Variants in RGS6 observed in about 807,000 individuals in gnomAD.
RGS6 encodes regulator of G protein signaling 6, also known as regulator of G-protein signaling 6.
In RGS6, 30 loss-of-function variants were observed where a neutral mutation model predicts 78.5. The ratio of observed to expected loss-of-function variants is 0.38; its 90% CI spans 0.29 to 0.52. The LOEUF (loss-of-function observed/expected upper bound fraction) is 0.52, where lower values mean the gene tolerates loss of function less well. Ranked by LOEUF, RGS6 falls within the 20% of genes least tolerant of loss-of-function variation. The pLI, the probability that RGS6 is intolerant of heterozygous loss-of-function variation, is 0.85. For synonymous variants in RGS6, 206 were observed against 206.0 expected (o/e 1.00, Z 0.00); for missense variants, 495 against 609.7 (o/e 0.81, Z 1.98).
rs552053364 is a variant in RGS6 at position 72,197,077 on chromosome 14, T to G, written c.85-155018T>G. Among the ~76,000 whole-genome samples the G allele has an allele frequency of 2.0e-5, 3 of 152,310 alleles. No homozygotes were observed. In the East Asian group the frequency reaches 5.8e-4, roughly 29 times the overall value. The stretch of plus-strand genomic sequence containing the variant: ...TATTTTCTTTTTTCTTTCTTTTTGT[T>G]TCTTTTGAGACGGAGTCTTGCTCTG... On this transcript the variant is annotated intron_variant, in intron 2 of 17. Coordinates refer to ENST00000553525, the MANE Select transcript of RGS6 (RefSeq NM_001204424.2).
chr14:72,290,193 T>C (rs887144154), intron 2 of RGS6, among the ~76,000 whole-genome samples: 1 of 152,214 alleles, frequency 6.6e-6, no homozygotes, highest in Admixed American at 6.5e-5. Context: ...CCCTTAGGAC[T>C]GGACTGATCT....
intron 2 of RGS6, among the ~76,000 whole-genome samples, chr14:72,344,358 T>C (rs2077585254): frequency 6.6e-6 from 1 of 152,216 alleles, no homozygotes; most frequent in African/African-American, 2.4e-5. Context: ...GTTGGGGAAC[T>C]GGCTCCCCAC....
intron 2 of RGS6, among the ~76,000 whole-genome samples, chr14:72,003,871 C>T (rs2083986017): frequency 6.6e-6 from 1 of 152,148 alleles, no homozygotes; most frequent in Non-Finnish European, 1.5e-5. Flanking sequence ...TCATAGGGTT[C>T]AGCTCCCAGG....
chr14:72,195,330 A>G (rs1180069999), intron 2 of RGS6, among the ~76,000 whole-genome samples: 3 of 152,226 alleles, frequency 2.0e-5, no homozygotes, highest in African/African-American at 7.2e-5. Context: ...TCTCTTAGTG[A>G]CAATACCAAG....
At chr14:71,932,253 C>T (rs1217162891), upstream of RGS6, among the ~76,000 whole-genome samples, 13 of 151,972 alleles carry the variant, frequency 8.6e-5, no homozygotes, top group South Asian at 1.9e-3. Context: ...GCGGCGGCGC[C>T]CGCGGGACGC....
chr14:71,987,114 A>T (rs2094747400), intron 2 of RGS6, among the ~76,000 whole-genome samples: 1 of 152,232 alleles, frequency 6.6e-6, no homozygotes, highest in African/African-American at 2.4e-5. Flanking sequence ...GAGGGCCGTT[A>T]TTCTACTTAT....
intron 12 of RGS6, among the ~76,000 whole-genome samples, chr14:72,492,300 T>C (rs2096588721): frequency 6.6e-6 from 1 of 152,192 alleles, no homozygotes; most frequent in South Asian, 2.1e-4. Flanking sequence ...AGAAATGTGA[T>C]TGGACAAAAG....
At chr14:71,925,067 C>T in the RGS6 span, among the ~76,000 whole-genome samples, 1 of 152,194 alleles carries the variant, frequency 6.6e-6, no homozygotes. Flanking sequence ...CACCTCCTTG[C>T]CAACACTTGT....
chr14:71,879,264 A>T, the RGS6 span, among the ~76,000 whole-genome samples: 13 of 152,352 alleles, frequency 8.5e-5, no homozygotes, highest in African/African-American at 2.6e-4. Flanking sequence ...AATTTGCTGT[A>T]TTTAGAAATG....
At chr14:72,495,520 T>A (rs992385796) in intron 13 of RGS6, among the ~76,000 whole-genome samples, 1 of 152,154 alleles carries the variant, frequency 6.6e-6, no homozygotes, top group African/African-American at 2.4e-5. Flanking sequence ...TCCCTAGTTC[T>A]GATTGCTGGA....
At chr14:72,274,170 T>C (rs368979714) in intron 2 of RGS6, among the ~76,000 whole-genome samples, 1 of 152,200 alleles carries the variant, frequency 6.6e-6, no homozygotes, top group Admixed American at 6.5e-5. Context: ...CAGGCAGATC[T>C]ACAGTGACCA....
At chr14:72,275,461 C>T (rs1022726942) in intron 2 of RGS6, among the ~76,000 whole-genome samples, 2 of 152,102 alleles carry the variant, frequency 1.3e-5, no homozygotes, top group African/African-American at 4.8e-5. Context: ...GCTTCATGGG[C>T]CATTGGTTTC....
chr14:72,421,326 T>G (rs2094167968), intron 3 of RGS6: 1 of 151,572 alleles, frequency 6.6e-6, no homozygotes, highest in Admixed American at 6.6e-5. Flanking sequence ...GATTATAGAG[T>G]GAGGGTGGGG....
chr14:72,383,213 T>TATATATATATAA (rs1387301746), intron 3 of RGS6, among the ~76,000 whole-genome samples: 1 of 118,338 alleles, frequency 8.5e-6, no homozygotes, highest in Non-Finnish European at 1.7e-5. Context: ...TATATATATA[T>TATATATATATAA]ACACACAAAC....
chr14:72,352,962 G>A (rs1276692227), intron 3 of RGS6, among the ~76,000 whole-genome samples: 2 of 152,100 alleles, frequency 1.3e-5, no homozygotes, highest in African/African-American at 4.8e-5. Flanking sequence ...CTGCCTATAT[G>A]CTTTTCAAAA....
At chr14:72,173,847 C>T (rs1180002576) in intron 2 of RGS6, among the ~76,000 whole-genome samples, 2 of 152,200 alleles carry the variant, frequency 1.3e-5, no homozygotes, top group Admixed American at 6.5e-5. Flanking sequence ...TTTGTACCCT[C>T]TTGATAATTG....
chr14:72,540,047 A>G lies in RGS6; in HGVS notation c.1375A>G (p.Ser459Gly). 6.3e-7 allele frequency: 1 copy of G among 1,575,906 alleles called. No individual in the cohort carries two copies. Among genetic ancestry groups the G allele is most frequent in the Non-Finnish European group, 8.5e-7 (1 of 1,172,932 alleles). The change falls in exon 17 of 18, where the codon AGT becomes GGT. Residue 459 changes from serine (S) to glycine (G), a missense_variant. Physicochemically the swap from Ser to Gly is moderately conservative, Grantham distance 56 (BLOSUM62 0). Coordinates refer to ENST00000553525, the MANE Select transcript of RGS6 (RefSeq NM_001204424.2). The stretch of plus-strand genomic sequence containing the variant: ...TTTTTTTTTTTTCCTAAAGCCAGAA[A>G]GTGAGCAAGGTCGTAGAACTTCCCT... ...DLLLAKKKPE[S>G]EQGRRTSLEK...
chr14:72,612,089 C>T, the RGS6 span, among the ~76,000 whole-genome samples: 1 of 152,144 alleles, frequency 6.6e-6, no homozygotes, highest in Non-Finnish European at 1.5e-5. Flanking sequence ...GCCTGCCCTG[C>T]AATGATTCAT....
At chr14:72,112,320 T>C (rs1012377384) in intron 2 of RGS6, among the ~76,000 whole-genome samples, 4 of 152,186 alleles carry the variant, frequency 2.6e-5, no homozygotes, top group African/African-American at 9.7e-5. Flanking sequence ...GTCATCTGTT[T>C]TGATGCGTGC....
Sources: allele counts gnomAD v4.1 joint callset (sites outside exome capture counted in the v4.1 genomes callset), GRCh38; gene constraint gnomAD v4.1.1; transcripts MANE v1.5; gene names NCBI Gene and HGNC (gene_info 2026-07-23, HGNC 2026-07-21).